CSGALNACT1: variants seen among roughly 807,000 people sequenced by gnomAD.
CSGALNACT1 encodes the protein beta4GalNAcT-1.
CSGALNACT1 carries 52 observed loss-of-function variants against 51.0 expected under a neutral mutation model. The ratio of observed to expected loss-of-function variants is 1.02; its 90% confidence interval spans 0.82 to 1.29. CSGALNACT1 has a LOEUF of 1.29. Ranked by LOEUF, CSGALNACT1 falls within the 50% of genes most tolerant of loss-of-function variation. The probability of loss-of-function intolerance (pLI) is 0.00; values close to 1 mark genes in which losing one functional copy is unlikely to be tolerated. For synonymous variants in CSGALNACT1, 341 were observed against 254.4 expected (o/e 1.34, Z -3.24); for missense variants, 935 against 679.2 (o/e 1.38, Z -4.19).
chr8:19,715,910 C>A (rs956370285), intron 1 of CSGALNACT1, among the ~76,000 whole-genome samples: 1 of 152,178 alleles, frequency 6.6e-6, no homozygotes, highest in African/African-American at 2.4e-5. Flanking sequence ...TTTCCAGTGA[C>A]TGCTGCACTC....
intron 3 of CSGALNACT1, among the ~76,000 whole-genome samples, chr8:19,511,752 G>T (rs146084428): frequency 1.8e-3 from 278 of 152,238 alleles, no homozygotes; most frequent in African/African-American, 6.5e-3. Flanking sequence ...CTGAGACTGG[G>T]TAATTTATAA....
In CSGALNACT1 at chr8:19,523,658, T is replaced by C. The variant is rs147999358; in HGVS notation, c.-296-17528A>G. The stretch of plus-strand genomic sequence containing the variant: ...ATTCAGTAAATAATGTTATAAACAA[T>C]GTGAATTGTATTCACGTAATCATCA... On this transcript the variant is annotated intron_variant, in intron 3 of 9. Coordinates refer to ENST00000454498, the Ensembl canonical transcript of CSGALNACT1. 3.3e-5 allele frequency among the ~76,000 whole-genome samples: 5 copies of C among 152,308 alleles called. No homozygotes were observed. In the East Asian group the frequency reaches 7.7e-4, roughly 24 times the overall value.
intron 1 of CSGALNACT1, among the ~76,000 whole-genome samples, chr8:19,705,811 TA>T (rs1196478733): frequency 6.6e-6 from 1 of 152,154 alleles, no homozygotes; most frequent in African/African-American, 2.4e-5. Flanking sequence ...AATAGATGTT[TA>T]ATATATAAAT....
chr8:19,715,841 G>C (rs2062776025), intron 1 of CSGALNACT1, among the ~76,000 whole-genome samples: 2 of 152,138 alleles, frequency 1.3e-5, no homozygotes, highest in Non-Finnish European at 2.9e-5. Flanking sequence ...TGACCTGCCA[G>C]CCTCACATTC....
chr8:19,567,361 T>C (rs560262178), intron 3 of CSGALNACT1, among the ~76,000 whole-genome samples: 1 of 152,240 alleles, frequency 6.6e-6, no homozygotes, highest in Non-Finnish European at 1.5e-5. Flanking sequence ...TAAAAGTCAA[T>C]CCAAAATATT....
chr8:19,577,122 T>C (rs1007264705), intron 3 of CSGALNACT1, among the ~76,000 whole-genome samples: 1 of 152,160 alleles, frequency 6.6e-6, no homozygotes, highest in Admixed American at 6.5e-5. Context: ...TCCTCTTATG[T>C]GTCGTTCATC....
At chr8:19,410,573 C>T (rs1228517785) in intron 8 of CSGALNACT1, among the ~76,000 whole-genome samples, 2 of 152,156 alleles carry the variant, frequency 1.3e-5, no homozygotes, top group Non-Finnish European at 2.9e-5. Flanking sequence ...AAACAATTGG[C>T]CAAGCCTTGG....
chr8:19,637,751 T>C (rs2056259474), intron 1 of CSGALNACT1, among the ~76,000 whole-genome samples: 2 of 152,182 alleles, frequency 1.3e-5, no homozygotes, highest in Admixed American at 1.3e-4. Context: ...AGGACTGACT[T>C]CTGAGGATCA....
intron 4 of CSGALNACT1, among the ~76,000 whole-genome samples, chr8:19,491,951 T>C (rs1363594710): frequency 6.6e-6 from 1 of 152,240 alleles, no homozygotes; most frequent in Non-Finnish European, 1.5e-5. Context: ...CAGAGATTAA[T>C]GATTTCTTTA....
chr8:19,422,353 C>G (rs1044175009), intron 6 of CSGALNACT1, among the ~76,000 whole-genome samples: 1 of 152,064 alleles, frequency 6.6e-6, no homozygotes, highest in Admixed American at 6.5e-5. Flanking sequence ...CTACCATGCC[C>G]AGCTAATTCT....
At chr8:19,434,966 G>C (rs562760839) in intron 6 of CSGALNACT1, among the ~76,000 whole-genome samples, 7 of 152,178 alleles carry the variant, frequency 4.6e-5, no homozygotes, top group Admixed American at 6.5e-5. Context: ...ATTTGAAAGA[G>C]GTGTGAAATG....
chr8:19,509,700 T>C (rs2078089191), intron 3 of CSGALNACT1, among the ~76,000 whole-genome samples: 1 of 144,442 alleles, frequency 6.9e-6, no homozygotes, highest in Non-Finnish European at 1.5e-5. Flanking sequence ...TGATGAGACA[T>C]AACTGGACCA....
intron 5 of CSGALNACT1, among the ~76,000 whole-genome samples, chr8:19,450,251 G>A (rs568037879): frequency 6.1e-5 from 6 of 98,158 alleles, no homozygotes; most frequent in Non-Finnish European, 1.2e-4. Flanking sequence ...AGGAAGAGGG[G>A]GAGGAACAGG....
intron 8 of CSGALNACT1, 55 bp from the exon 8 acceptor site, chr8:19,408,749 G>A: frequency 7.2e-6 from 11 of 1,528,534 alleles, no homozygotes; most frequent in Middle Eastern, 1.7e-4. Context: ...CAAAAATAGA[G>A]TGTTCACAAA....
intron 2 of CSGALNACT1, among the ~76,000 whole-genome samples, chr8:19,599,013 A>G (rs1339194743): frequency 6.6e-6 from 1 of 152,200 alleles, no homozygotes; most frequent in Non-Finnish European, 1.5e-5. Flanking sequence ...AGAAGAAAGT[A>G]TGCTAGGTAG....
intron 5 of CSGALNACT1, among the ~76,000 whole-genome samples, chr8:19,441,110 G>C (rs2061267356): frequency 6.6e-6 from 1 of 152,132 alleles, no homozygotes; most frequent in East Asian, 1.9e-4. Context: ...TCATGGGTAG[G>C]AAGAATCAAT....
chr8:19,683,149 T>C (rs17090692), upstream of CSGALNACT1: 29,647 of 194,226 alleles, frequency 0.15, 2,721 homozygotes, highest in East Asian at 0.42. Context: ...ATCTGTGCTA[T>C]GGTTCAATCT....
At chr8:19,647,726 T>C (rs1343067462) in intron 1 of CSGALNACT1, among the ~76,000 whole-genome samples, 1 of 152,184 alleles carries the variant, frequency 6.6e-6, no homozygotes, top group Non-Finnish European at 1.5e-5. Flanking sequence ...CATTACCAAG[T>C]GCAAGTCATA....
At chr8:19,438,438 A>G (rs1230399995) in intron 6 of CSGALNACT1, among the ~76,000 whole-genome samples, 1 of 152,188 alleles carries the variant, frequency 6.6e-6, no homozygotes, top group Non-Finnish European at 1.5e-5. Context: ...AATGTACTGG[A>G]GTCGAGGAAT....
Sources: gnomAD v4.1 joint callset for allele counts (sites outside exome capture counted in the v4.1 genomes callset) on GRCh38, gnomAD v4.1.1 for gene constraint, MANE v1.5 for transcripts, NCBI Gene and HGNC (gene_info 2026-07-23, HGNC 2026-07-21) for gene names.